THRB: variants seen among roughly 807,000 people sequenced by gnomAD.
THRB encodes the protein nuclear receptor subfamily 1 group A member 2.
Under a neutral mutation model 47.8 loss-of-function variants are expected in THRB, and 12 were observed. That is an observed-to-expected ratio of 0.25 (90% CI 0.16 to 0.41). The LOEUF (loss-of-function observed/expected upper bound fraction) is 0.41. THRB is among the 10% of genes least tolerant of loss of function. The pLI, the probability that THRB is intolerant of heterozygous loss-of-function variation, is 1.00. For missense variants in THRB, 348 were observed against 589.2 expected, an observed-to-expected ratio of 0.59 and a Z score of 4.24; for synonymous variants, 218 against 212.2, an observed-to-expected ratio of 1.03 and a Z score of -0.24.
intron 4 of THRB, among the ~76,000 whole-genome samples, chr3:24,202,848 A>G (rs929057941): frequency 4.6e-5 from 7 of 152,190 alleles, no homozygotes; most frequent in Non-Finnish European, 1.0e-4. Context: ...CTTTCATAAC[A>G]CCTTTGCTAT....
At chr3:24,182,123 C>T (rs1477765902) in intron 5 of THRB, among the ~76,000 whole-genome samples, 3 of 152,154 alleles carry the variant, frequency 2.0e-5, no homozygotes, top group Non-Finnish European at 4.4e-5. Flanking sequence ...ATGGCGTGAA[C>T]CCGGGAGGTG....
At chr3:24,386,549 C>T (rs1185933082) in intron 1 of THRB, among the ~76,000 whole-genome samples, 1 of 152,124 alleles carries the variant, frequency 6.6e-6, no homozygotes, top group Non-Finnish European at 1.5e-5. Context: ...AACCTTCACA[C>T]CATGCTTTTC....
At chr3:24,403,814 G>T (rs2067613157) in intron 1 of THRB, among the ~76,000 whole-genome samples, 1 of 151,996 alleles carries the variant, frequency 6.6e-6, no homozygotes, top group Admixed American at 6.6e-5. Flanking sequence ...TTGAGGAAAA[G>T]CACTTGTGTG....
At position 24,122,867 on chromosome 3, in the gene THRB, G is replaced by T. The variant is rs370918213; in HGVS notation, c.*17C>A. ...CCCAGTAGTGCTGTAGGAATTATGA[G>T]AATGAATCCAGTCAGTCTAATCCTC... On this transcript the variant is annotated 3_prime_UTR_variant, in exon 11 of 11. Coordinates refer to ENST00000646209, the MANE Select transcript of THRB (RefSeq NM_001354712.2). 1.2e-5 allele frequency: 20 copies of T among 1,614,042 alleles called. No homozygotes were observed. Among genetic ancestry groups the T allele is most frequent in the Non-Finnish European group, 1.6e-5 (19 of 1,180,028 alleles).
chr3:24,492,046 C>G (rs1698221736), intron 1 of THRB, among the ~76,000 whole-genome samples: 1 of 152,200 alleles, frequency 6.6e-6, no homozygotes, highest in South Asian at 2.1e-4. Flanking sequence ...GGAATGTGTG[C>G]AACACACACA....
intron 5 of THRB, among the ~76,000 whole-genome samples, chr3:24,176,309 T>A (rs2041144607): frequency 1.3e-5 from 2 of 152,172 alleles, no homozygotes; most frequent in Admixed American, 6.5e-5. Flanking sequence ...TTCACAATGA[T>A]CGACTTGATG....
At chr3:24,142,857 T>C (rs190729367) in intron 8 of THRB, among the ~76,000 whole-genome samples, 5 of 152,318 alleles carry the variant, frequency 3.3e-5, no homozygotes, top group Non-Finnish European at 5.9e-5. Flanking sequence ...CAAAACACTA[T>C]GAAGTCTGAA....
intron 5 of THRB, among the ~76,000 whole-genome samples, chr3:24,158,941 G>A (rs1057450912): frequency 6.6e-6 from 1 of 152,036 alleles, no homozygotes; most frequent in Non-Finnish European, 1.5e-5. Context: ...TTAAAAGACG[G>A]CATGAATTAG....
intron 1 of THRB, among the ~76,000 whole-genome samples, chr3:24,355,796 G>A (rs923064786): frequency 1.3e-5 from 2 of 152,170 alleles, no homozygotes; most frequent in African/African-American, 2.4e-5. Context: ...AGGGTCATCT[G>A]TGGGTCTGGA....
At chr3:24,446,500 T>C (rs529161823) in intron 1 of THRB, among the ~76,000 whole-genome samples, 1 of 150,076 alleles carries the variant, frequency 6.7e-6, no homozygotes, top group African/African-American at 2.5e-5. Flanking sequence ...TCTGCAAAAG[T>C]GCATTCTGCT....
intron 1 of THRB, among the ~76,000 whole-genome samples, chr3:24,465,156 T>G (rs1036994932): frequency 5.9e-5 from 9 of 152,322 alleles, no homozygotes; most frequent in Non-Finnish European, 1.3e-4. Flanking sequence ...CTTCTTTATC[T>G]AAATCAATTT....
chr3:24,288,770 A>G (rs1037938719), intron 3 of THRB, among the ~76,000 whole-genome samples: 2 of 152,224 alleles, frequency 1.3e-5, no homozygotes, highest in Admixed American at 6.5e-5. Context: ...GGTAGCAAGC[A>G]GTGCCTTTTA....
At chr3:24,462,460 A>G (rs1292207271) in intron 1 of THRB, among the ~76,000 whole-genome samples, 1 of 152,250 alleles carries the variant, frequency 6.6e-6, no homozygotes, top group African/African-American at 2.4e-5. Context: ...TACTCACGGC[A>G]TTTCAGGAGT....
In THRB at chr3:24,468,495, C is replaced by T. The variant is rs1389865626; in HGVS notation, c.-261+26157G>A. 5.3e-5 allele frequency among the ~76,000 whole-genome samples: 8 copies of T among 152,280 alleles called. No homozygotes were observed. The East Asian group carries it at 1.5e-3, about 29-fold the overall frequency. On this transcript the variant is annotated intron_variant, in intron 1 of 10. Coordinates refer to ENST00000646209, the MANE Select transcript of THRB (RefSeq NM_001354712.2). ...GATTTAAAGCTTAAAAAACGGGTAACTCTTCTTTTCACTTGAACACTTAGA... is the reference window on the plus strand; with the variant it reads ...GATTTAAAGCTTAAAAAACGGGTAATTCTTCTTTTCACTTGAACACTTAGA...
At chr3:24,153,331 T>C (rs1408783944) in intron 5 of THRB, among the ~76,000 whole-genome samples, 2 of 152,198 alleles carry the variant, frequency 1.3e-5, no homozygotes, top group Admixed American at 6.5e-5. Context: ...AGTCTCTTAA[T>C]TTCTAGCCCT....
intron 4 of THRB, 139 bp from the exon 5 acceptor site, chr3:24,190,473 G>A: frequency 5.3e-6 from 6 of 1,127,066 alleles, no homozygotes; most frequent in Non-Finnish European, 6.7e-6. Context: ...GGAGTGATAA[G>A]ATGCAGAATT....
At chr3:24,321,828 G>A (rs2058506074) in intron 2 of THRB, among the ~76,000 whole-genome samples, 2 of 152,060 alleles carry the variant, frequency 1.3e-5, no homozygotes, top group Non-Finnish European at 1.5e-5. Context: ...ATAAGTATAA[G>A]ATACACACTA....
At chr3:24,137,797 G>A (rs1365968428) in intron 8 of THRB, among the ~76,000 whole-genome samples, 3 of 152,092 alleles carry the variant, frequency 2.0e-5, no homozygotes, top group African/African-American at 4.8e-5. Flanking sequence ...GAAGATATGC[G>A]GGGAGTCAAA....
intron 4 of THRB, among the ~76,000 whole-genome samples, chr3:24,222,754 C>A (rs2150021929): frequency 6.6e-6 from 1 of 152,300 alleles, no homozygotes; most frequent in South Asian, 2.1e-4. Context: ...GCCCCCATCA[C>A]ATTGTGTGGT....
Sources: gnomAD v4.1 joint callset for allele counts (sites outside exome capture counted in the v4.1 genomes callset) on GRCh38, gnomAD v4.1.1 for gene constraint, MANE v1.5 for transcripts, NCBI Gene and HGNC (gene_info 2026-07-23, HGNC 2026-07-21) for gene names.